Variants in DNAI7 observed in about 807,000 individuals in gnomAD.
DNAI7 encodes dynein axonemal intermediate chain 7, also known as cancer susceptibility 1.
In DNAI7, 78 loss-of-function variants were observed where a neutral mutation model predicts 86.6. That is an observed-to-expected ratio of 0.90 (90% confidence interval 0.75 to 1.09). The LOEUF is 1.09. Ranked by LOEUF, DNAI7 falls within the 50% of genes least tolerant of loss-of-function variation. The pLI, the probability that DNAI7 is intolerant of heterozygous loss-of-function variation, is 0.00. For missense variants in DNAI7, 753 were observed against 810.2 expected (o/e 0.93, Z 0.86); for synonymous variants, 274 against 273.0 (o/e 1.00, Z -0.04).
At chr12:25,187,335 T>G (rs1215557094) in intron 2 of DNAI7, among the ~76,000 whole-genome samples, 1 of 152,196 alleles carries the variant, frequency 6.6e-6, no homozygotes, top group African/African-American at 2.4e-5. Flanking sequence ...CCAGGTCTCT[T>G]CTTAAATTTT....
At chr12:25,112,382 T>G (rs906635896) in intron 13 of DNAI7, among the ~76,000 whole-genome samples, 1 of 151,072 alleles carries the variant, frequency 6.6e-6, no homozygotes, top group Non-Finnish European at 1.5e-5. Context: ...TTTGAAGGTG[T>G]ATAGAATTCA....
intron 2 of DNAI7, among the ~76,000 whole-genome samples, chr12:25,189,247 T>G (rs1289756359): frequency 6.6e-6 from 1 of 152,200 alleles, no homozygotes; most frequent in Non-Finnish European, 1.5e-5. Context: ...TGTAAAAATA[T>G]GACACGCTCC....
intron 12 of DNAI7, among the ~76,000 whole-genome samples, chr12:25,118,324 C>T (rs749244027): frequency 2.4e-4 from 36 of 152,018 alleles, no homozygotes; most frequent in African/African-American, 6.8e-4. Context: ...AGTACAGTGG[C>T]GCCATCTTGG....
chr12:25,124,359 C>CA (rs369197184), intron 9 of DNAI7, among the ~76,000 whole-genome samples: 11,231 of 148,716 alleles, frequency 0.076, 429 homozygotes, highest in South Asian at 0.14. Context: ...TTTATTCATT[C>CA]AAAAAAAAAA....
rs188430558 is a variant in DNAI7 at position 25,150,536 on chromosome 12, G to A, written c.439-762C>T. Among the ~76,000 whole-genome samples, 397 of 149,832 alleles carry A rather than the reference G, an allele frequency of 2.6e-3. 1 individual carries two copies. The highest frequency in any genetic ancestry group is 4.1e-3 in the Non-Finnish European group (277 of 67,710). ...GGAGGATGGTGTGAACCCGGGAGGCGGAGCTTGCAGTGAGCCGAGATTGCA... is the reference window on the plus strand; with the variant it reads ...GGAGGATGGTGTGAACCCGGGAGGCAGAGCTTGCAGTGAGCCGAGATTGCA... On this transcript the variant is annotated intron_variant, in intron 6 of 15. Coordinates refer to ENST00000395987, the MANE Select transcript of DNAI7 (RefSeq NM_018272.5).
At chr12:25,191,186 G>A (rs1164413643) in intron 1 of DNAI7, among the ~76,000 whole-genome samples, 2 of 152,124 alleles carry the variant, frequency 1.3e-5, no homozygotes, top group African/African-American at 4.8e-5. Flanking sequence ...GCCAAGGCGG[G>A]AGGATCACCT....
rs1044289404 is a variant in DNAI7 at position 25,129,771 on chromosome 12, T to TA, written c.1003-6486_1003-6485insT. On this transcript the variant is annotated intron_variant, in intron 9 of 15. Coordinates refer to ENST00000395987, the MANE Select transcript of DNAI7 (RefSeq NM_018272.5). Reference sequence around the variant, plus strand: ...GTTTATTTTTATTTTATTTTTATTTTTTTTTTTTGACATGGAGTTTCACTC... The same window carrying TA: ...GTTTATTTTTATTTTATTTTTATTTTATTTTTTTTGACATGGAGTTTCACTC... 2.6e-3 allele frequency among the ~76,000 whole-genome samples: 266 copies of TA among 101,920 alleles called. 1 individual carries two copies. The highest frequency in any genetic ancestry group is 0.015 in the Middle Eastern group (3 of 204). 66.9% of individuals were successfully genotyped at this position (101,920 alleles called of 152,430 possible).
At chr12:25,171,827 G>A (rs552647117) in intron 2 of DNAI7, among the ~76,000 whole-genome samples, 2 of 151,774 alleles carry the variant, frequency 1.3e-5, no homozygotes, top group South Asian at 2.1e-4. Context: ...ATATGCAAAC[G>A]TGATACAACA....
rs143132784 is a variant in DNAI7, at chr12:25,171,501, T to C, written c.22-10304A>G. Among the ~76,000 whole-genome samples the C allele has an allele frequency of 6.2e-3, 942 of 152,004 alleles. 10 individuals are homozygous for C. Among genetic ancestry groups the C allele is most frequent in the African/African-American group, 0.021 (881 of 41,458 alleles). ...ATTTAAAAATTACCAGAAAAAAAAG[T>C]CCAGGACCACACAGATTCACAGCAG... is the stretch of plus-strand genomic sequence containing the variant. On this transcript the variant is annotated intron_variant, in intron 2 of 15. Transcript: ENST00000395987.
chr12:25,183,727 CTGTT>C (rs1949776683), intron 2 of DNAI7, among the ~76,000 whole-genome samples: 1 of 151,910 alleles, frequency 6.6e-6, no homozygotes, highest in Non-Finnish European at 1.5e-5. Flanking sequence ...CTTAAGGTGG[CTGTT>C]TGTAAGAAGA....
intron 2 of DNAI7, among the ~76,000 whole-genome samples, chr12:25,163,154 A>G (rs1236634872): frequency 1.3e-5 from 2 of 152,186 alleles, no homozygotes; most frequent in African/African-American, 2.4e-5. Context: ...ACAAAACCAA[A>G]GTATACAGGC....
chr12:25,119,075 C>G, intron 12 of DNAI7, 70 bp downstream of exon 12: 1 of 1,276,390 alleles, frequency 7.8e-7, no homozygotes, highest in Non-Finnish European at 1.1e-6. Flanking sequence ...TAATACACTA[C>G]ACTTTCTGTT....
At chr12:25,182,916 G>C (rs1363699293) in intron 2 of DNAI7, among the ~76,000 whole-genome samples, 1 of 150,526 alleles carries the variant, frequency 6.6e-6, no homozygotes, top group Non-Finnish European at 1.5e-5. Context: ...GAAGTGAAAA[G>C]AAGAAAGGAA....
intron 9 of DNAI7, 96 bp from the exon 10 acceptor site, chr12:25,123,382 C>T: frequency 2.9e-6 from 2 of 697,760 alleles, no homozygotes; most frequent in Non-Finnish European, 2.2e-6. Context: ...ATGCCTGCTA[C>T]CTTAATTCTA....
At chr12:25,133,029 A>T (rs1371203256) in intron 9 of DNAI7, among the ~76,000 whole-genome samples, 1 of 152,190 alleles carries the variant, frequency 6.6e-6, no homozygotes, top group Non-Finnish European at 1.5e-5. Flanking sequence ...GTTTTGATGC[A>T]CTGGTAAGTA....
At chr12:25,156,461 ACTT>A (rs1162948842) in intron 4 of DNAI7, among the ~76,000 whole-genome samples, 1 of 152,074 alleles carries the variant, frequency 6.6e-6, no homozygotes, top group African/African-American at 2.4e-5. Context: ...ATCTTTAAAA[ACTT>A]CTGATTTGGG....
At chr12:25,154,296 T>C (rs752938754) in intron 6 of DNAI7, 23 bp downstream of exon 6, 20 of 1,570,174 alleles carry the variant, frequency 1.3e-5, no homozygotes, top group Non-Finnish European at 1.7e-5. Context: ...AGCCAGTTTA[T>C]AGGAAAATGC....
intron 12 of DNAI7, among the ~76,000 whole-genome samples, chr12:25,115,101 T>C (rs1248738474): frequency 6.6e-5 from 10 of 152,186 alleles, no homozygotes; most frequent in Non-Finnish European, 1.5e-4. Flanking sequence ...CTTTCTTGGC[T>C]CCATCCCTTG....
chr12:25,120,079 G>T (rs796117775), intron 11 of DNAI7, among the ~76,000 whole-genome samples: 1 of 152,118 alleles, frequency 6.6e-6, no homozygotes, highest in Non-Finnish European at 1.5e-5. Flanking sequence ...TCTTTAGATG[G>T]ATTCTTGAAA....
Sources: allele counts gnomAD v4.1 joint callset (sites outside exome capture counted in the v4.1 genomes callset), GRCh38; gene constraint gnomAD v4.1.1; transcripts MANE v1.5; gene names NCBI Gene and HGNC (gene_info 2026-07-23, HGNC 2026-07-21).